Variants in ADAMTS3 observed in about 807,000 individuals in gnomAD.
ADAMTS3 encodes the protein A disintegrin and metalloproteinase with thrombospondin motifs 3.
A neutral mutation model predicts 129.0 loss-of-function variants in ADAMTS3; 73 were observed. The observed-to-expected ratio is 0.57, with a 90% CI of 0.47 to 0.69. The LOEUF (loss-of-function observed/expected upper bound fraction) is 0.69, where lower values mean the gene tolerates loss of function less well. Among genes scored for constraint, ADAMTS3 ranks in the 30% least tolerant of loss-of-function variants. The pLI is 0.00. For missense variants in ADAMTS3, 1,457 were observed against 1,514.5 expected (o/e 0.96, Z 0.63); for synonymous variants, 477 against 510.8 (o/e 0.93, Z 0.89).
At chr4:72,419,496 C>G (rs1320786230) in intron 3 of ADAMTS3, among the ~76,000 whole-genome samples, 1 of 152,124 alleles carries the variant, frequency 6.6e-6, no homozygotes, top group African/African-American at 2.4e-5. Context: ...CAGGGTGGAG[C>G]AAAGGTTCTA....
intron 3 of ADAMTS3, among the ~76,000 whole-genome samples, chr4:72,467,060 T>C (rs963460366): frequency 4.6e-5 from 7 of 152,038 alleles, no homozygotes; most frequent in Non-Finnish European, 8.8e-5. Flanking sequence ...TTTTATTTTG[T>C]TTTAATCTCC....
At chr4:72,502,874 G>A (rs1162099019) in intron 3 of ADAMTS3, among the ~76,000 whole-genome samples, 5 of 151,756 alleles carry the variant, frequency 3.3e-5, no homozygotes, top group Non-Finnish European at 5.9e-5. Context: ...CCCCTAGCCC[G>A]CCACCCACTG....
chr4:72,332,310 A>C (rs370474407), intron 5 of ADAMTS3, among the ~76,000 whole-genome samples: 2 of 152,246 alleles, frequency 1.3e-5, no homozygotes, highest in Non-Finnish European at 2.9e-5. Flanking sequence ...TAACTCTTGA[A>C]TAAGTCCATT....
At chr4:72,286,815 G>C (rs937169475) in intron 21 of ADAMTS3, among the ~76,000 whole-genome samples, 1 of 152,082 alleles carries the variant, frequency 6.6e-6, no homozygotes, top group African/African-American at 2.4e-5. Flanking sequence ...ACAAACAGAT[G>C]GGGGTGGCGA....
At chr4:72,339,447 A>T in intron 5 of ADAMTS3, 47 bp downstream of exon 5, 1 of 1,583,164 alleles carries the variant, frequency 6.3e-7, no homozygotes, top group Non-Finnish European at 8.7e-7. Context: ...CAAATAAGAG[A>T]AGTGAATTAA....
chr4:72,331,808 G>A (rs1719860572), intron 5 of ADAMTS3, among the ~76,000 whole-genome samples: 1 of 152,124 alleles, frequency 6.6e-6, no homozygotes, highest in Admixed American at 6.6e-5. Context: ...GTCGTCTTAG[G>A]AAGATTTCAC....
At chr4:72,424,757 C>A (rs935871713) in intron 3 of ADAMTS3, among the ~76,000 whole-genome samples, 1 of 152,052 alleles carries the variant, frequency 6.6e-6, no homozygotes, top group East Asian at 1.9e-4. Context: ...GAAACTAGTT[C>A]ATTTTTATTA....
chr4:72,305,338 A>C (rs1719054297), intron 16 of ADAMTS3, among the ~76,000 whole-genome samples: 1 of 152,116 alleles, frequency 6.6e-6, no homozygotes, highest in South Asian at 2.1e-4. Flanking sequence ...TTAAGATTAG[A>C]TTAGTAAAAT....
At chr4:72,547,238 T>C (rs1338597152) in intron 3 of ADAMTS3, among the ~76,000 whole-genome samples, 2 of 152,134 alleles carry the variant, frequency 1.3e-5, no homozygotes, top group African/African-American at 2.4e-5. Context: ...AAAGCTGTAA[T>C]TGGTAAAGGA....
rs536434755 is a variant in ADAMTS3 at position 72,527,403 on chromosome 4, A to T, written c.504+21075T>A. Among the ~76,000 whole-genome samples, 4 of 152,280 alleles carry T rather than the reference A, an allele frequency of 2.6e-5. No homozygotes were observed. In the East Asian group the frequency reaches 7.7e-4, roughly 29 times the overall value. ...GTTCAGTGACTTTTAAAAAAGTAACACCTGTATTTCCCACTCTAACCTCAT... is the reference window on the plus strand; with the variant it reads ...GTTCAGTGACTTTTAAAAAAGTAACTCCTGTATTTCCCACTCTAACCTCAT... On this transcript the variant is annotated intron_variant, in intron 3 of 21. Coordinates refer to ENST00000286657, the MANE Select transcript of ADAMTS3 (RefSeq NM_014243.3).
chr4:72,482,633 G>T (rs1401373525), intron 3 of ADAMTS3, among the ~76,000 whole-genome samples: 1 of 152,080 alleles, frequency 6.6e-6, no homozygotes, highest in Admixed American at 6.5e-5. Flanking sequence ...ATATCATACT[G>T]TAGTTGAGGA....
intron 10 of ADAMTS3, among the ~76,000 whole-genome samples, chr4:72,318,272 G>A (rs1695750269): frequency 6.6e-6 from 1 of 152,110 alleles, no homozygotes; most frequent in Non-Finnish European, 1.5e-5. Flanking sequence ...GGCAGCCTTG[G>A]TTTCAAAGTC....
At chr4:72,393,227 A>G (rs1212469505) in intron 4 of ADAMTS3, among the ~76,000 whole-genome samples, 1 of 152,110 alleles carries the variant, frequency 6.6e-6, no homozygotes, top group East Asian at 1.9e-4. Context: ...CCTGGCCTCC[A>G]TCAGATATTT....
chr4:72,474,811 G>C (rs1283299290), intron 3 of ADAMTS3, among the ~76,000 whole-genome samples: 3 of 152,052 alleles, frequency 2.0e-5, no homozygotes, highest in African/African-American at 7.2e-5. Context: ...TGGATCACGA[G>C]GTCAGGAGAT....
At position 72,309,464 on chromosome 4, in the gene ADAMTS3, G is replaced by A. The variant is rs1371109503; in HGVS notation, c.2112C>T (p.Val704=). The part of the protein sequence containing the change: ...GSNKVEDKCG[V]CGGDNSHCRT... ...GGCAGTGGGAATTATCTCCTCCACAGACACCACACTTATCCTCAACCTTAT... is the reference window on the plus strand; with the variant it reads ...GGCAGTGGGAATTATCTCCTCCACAAACACCACACTTATCCTCAACCTTAT... The change falls in exon 15 of 22, where the codon GTC becomes GTT. Residue 704 remains valine (V), a synonymous_variant. Coordinates refer to ENST00000286657, the MANE Select transcript of ADAMTS3 (RefSeq NM_014243.3). 2 of 1,612,072 alleles carry A rather than the reference G, an allele frequency of 1.2e-6. No individual in the cohort carries two copies. The highest frequency in any genetic ancestry group is 1.1e-5 in the South Asian group (1 of 91,030).
Position 72,479,101 on chromosome 4 carries a change from G to A in ADAMTS3, c.505-64130C>T, listed in dbSNP as rs115232084. On this transcript the variant is annotated intron_variant, in intron 3 of 21. Transcript: ENST00000286657. ...CATGGCTAGGAAGAATCAATATCCT[G>A]AGAATGGCCATACTGCCCAGGGTAA... Among the ~76,000 whole-genome samples, 924 of 152,258 alleles carry A rather than the reference G, an allele frequency of 6.1e-3. 17 individuals are homozygous for A. Among genetic ancestry groups the A allele is most frequent in the African/African-American group, 0.021 (880 of 41,536 alleles).
At chr4:72,404,682 C>T (rs1722007435) in intron 4 of ADAMTS3, among the ~76,000 whole-genome samples, 1 of 151,910 alleles carries the variant, frequency 6.6e-6, no homozygotes, top group Non-Finnish European at 1.5e-5. Context: ...AGCTTCTACA[C>T]AGCAAAGGAA....
intron 3 of ADAMTS3, among the ~76,000 whole-genome samples, chr4:72,532,550 CTAGT>C (rs1425848578): frequency 6.6e-6 from 1 of 151,910 alleles, no homozygotes; most frequent in African/African-American, 2.4e-5. Flanking sequence ...TATCTTTACA[CTAGT>C]TAATTATAAT....
At chr4:72,496,166 C>A (rs1408703347) in intron 3 of ADAMTS3, among the ~76,000 whole-genome samples, 1 of 152,206 alleles carries the variant, frequency 6.6e-6, no homozygotes, top group East Asian at 1.9e-4. Context: ...AGGAAATCTT[C>A]AATCTACAGA....
Sources: gnomAD v4.1 joint callset for allele counts (sites outside exome capture counted in the v4.1 genomes callset) on GRCh38, gnomAD v4.1.1 for gene constraint, MANE v1.5 for transcripts, NCBI Gene and HGNC (gene_info 2026-07-23, HGNC 2026-07-21) for gene names.